Variants in TTC21B observed in about 807,000 individuals in gnomAD.
The protein encoded by TTC21B is tetratricopeptide repeat protein 21B.
In TTC21B, 127 loss-of-function variants were observed where a neutral mutation model predicts 175.1. The observed-to-expected ratio is 0.73, with a 90% confidence interval of 0.63 to 0.84. The LOEUF (loss-of-function observed/expected upper bound fraction) is 0.84. Among genes scored for constraint, TTC21B ranks in the 40% least tolerant of loss-of-function variants. The pLI, the probability that TTC21B is intolerant of heterozygous loss-of-function variation, is 0.00. For synonymous variants in TTC21B, 524 were observed against 524.5 expected, an observed-to-expected ratio of 1.00 and a Z score of 0.01; for missense variants, 1,561 against 1,558.3, an observed-to-expected ratio of 1.00 and a Z score of -0.03.
chr2:165,924,779 A>G (rs1386041612), intron 11 of TTC21B, 101 bp from the exon 12 acceptor site: 4 of 1,334,654 alleles, frequency 3.0e-6, no homozygotes, highest in Non-Finnish European at 4.1e-6. Context: ...AGCTATATAC[A>G]TTTTTCTAAA....
chr2:165,905,081 C>T (rs1160075896), intron 19 of TTC21B, among the ~76,000 whole-genome samples: 1 of 152,078 alleles, frequency 6.6e-6, no homozygotes, highest in African/African-American at 2.4e-5. Flanking sequence ...AAATATATCA[C>T]ATTGTGTTCC....
intron 3 of TTC21B, among the ~76,000 whole-genome samples, chr2:165,946,830 T>G (rs1016341540): frequency 6.6e-6 from 1 of 152,010 alleles, no homozygotes; most frequent in East Asian, 1.9e-4. Context: ...AGAGGAGGTA[T>G]ATGGTTAAGG....
intron 25 of TTC21B, among the ~76,000 whole-genome samples, chr2:165,886,006 T>G (rs1036973599): frequency 9.8e-5 from 15 of 152,354 alleles, no homozygotes; most frequent in African/African-American, 2.9e-4. Context: ...TTGGGCTTAA[T>G]GTATCTTCCA....
chr2:165,926,580 G>T (rs1686637853), intron 11 of TTC21B, among the ~76,000 whole-genome samples: 1 of 152,072 alleles, frequency 6.6e-6, no homozygotes, highest in African/African-American at 2.4e-5. Context: ...TTCTGTGATG[G>T]TTAATACTGT....
intron 3 of TTC21B, 146 bp from the exon 4 acceptor site, chr2:165,945,836 T>A: frequency 1.5e-6 from 1 of 673,466 alleles, no homozygotes; most frequent in Non-Finnish European, 2.4e-6. Context: ...ATATGTAACT[T>A]AAAATTTTCT....
intron 3 of TTC21B, chr2:165,947,251 T>A (rs1344060355): frequency 7.2e-6 from 1 of 138,000 alleles, no homozygotes; most frequent in Non-Finnish European, 1.5e-5. Flanking sequence ...GGAATCAGAA[T>A]CAGAATCAGC....
rs570323182 is a variant in TTC21B at position 165,896,606 on chromosome 2, C to T, written c.2950+2080G>A. ...TTGATGTAGGCCAGTGAGGGAGGGG[C>T]ATTCTAAGGAAGAAGCAGCACCAGA... On this transcript the variant is annotated intron_variant, in intron 22 of 28. Coordinates refer to ENST00000243344, the MANE Select transcript of TTC21B (RefSeq NM_024753.5). 2.0e-5 allele frequency among the ~76,000 whole-genome samples: 3 copies of T among 152,192 alleles called. No individual in the cohort carries two copies. In the East Asian group the frequency reaches 5.8e-4, roughly 29 times the overall value.
intron 14 of TTC21B, 22 bp downstream of exon 14, chr2:165,917,235 C>T (rs765585704): frequency 1.2e-6 from 2 of 1,605,182 alleles, no homozygotes; most frequent in African/African-American, 2.7e-5. Context: ...CATCCGAGCC[C>T]TTAAATTAAA....
Position 165,919,425 on chromosome 2 carries a change from C to A in TTC21B, c.1525G>T (p.Glu509Ter). ...TGCTGAAGGTTATTGAAAGCTGCTT[C>A]AATATCACCTAATAAGAAAAACAAT... ...AKVKYLSGDI[E>*]AAFNNLQHCL... The change falls in exon 13 of 29, where the codon GAA becomes TAA. Residue 509 changes from glutamate to a stop codon, truncating the protein, a stop_gained. Transcript: ENST00000243344. LOFTEE classifies it high-confidence loss of function. 2.5e-6 allele frequency: 4 copies of A among 1,613,822 alleles called. No homozygotes were observed. Among genetic ancestry groups the A allele is most frequent in the Non-Finnish European group, 3.4e-6 (4 of 1,179,878 alleles).
At chr2:165,878,961 T>C (rs1240554624) in intron 27 of TTC21B, among the ~76,000 whole-genome samples, 1 of 152,026 alleles carries the variant, frequency 6.6e-6, no homozygotes, top group African/African-American at 2.4e-5. Context: ...GGATTACAGG[T>C]GTGAGCCACT....
intron 11 of TTC21B, among the ~76,000 whole-genome samples, chr2:165,927,472 T>C (rs1686723289): frequency 6.7e-6 from 1 of 148,992 alleles, no homozygotes; most frequent in African/African-American, 2.5e-5. Flanking sequence ...TGCTCTATTA[T>C]TTTCTCCTGT....
rs1363958812 is a variant in TTC21B, at chr2:165,919,271, C to T, written c.1674+5G>A. ...GTCTTATCCACTTCAGTCTGGAATA[C>T]TTACCTTAAAATCATAGCTCAGACA... On this transcript the variant is annotated splice_donor_5th_base_variant and intron_variant, in intron 13 of 28. Transcript: ENST00000243344. 1.2e-6 allele frequency: 2 copies of T among 1,613,776 alleles called. No homozygotes were observed. The highest frequency in any genetic ancestry group is 1.7e-6 in the Non-Finnish European group (2 of 1,179,900).
intron 11 of TTC21B, among the ~76,000 whole-genome samples, chr2:165,928,301 C>T (rs1686752200): frequency 1.3e-5 from 2 of 152,050 alleles, no homozygotes; most frequent in East Asian, 3.9e-4. Context: ...ACATTTGAGT[C>T]CAAAAGTACA....
Position 165,933,000 on chromosome 2 carries a change from ATAG to A in TTC21B, c.765_767del (p.Tyr256del). On this transcript the variant is annotated inframe_deletion, in exon 7 of 29. Transcript: ENST00000243344. ...TCTCTATATCCCCCTCTCTACACAC[ATAG>A]TAGAGTGCCTGCATTCTCAGTGCTT... 1 of 1,612,922 alleles carries A rather than the reference ATAG, an allele frequency of 6.2e-7. No individual in the cohort carries two copies. Among genetic ancestry groups the A allele is most frequent in the South Asian group, 1.1e-5 (1 of 90,880 alleles).
At chr2:165,898,141 G>C (rs1025514752) in intron 22 of TTC21B, among the ~76,000 whole-genome samples, 5 of 152,146 alleles carry the variant, frequency 3.3e-5, no homozygotes, top group African/African-American at 1.2e-4. Flanking sequence ...TTTACAGCAG[G>C]AAGATGTCAC....
At chr2:165,944,399 G>C (rs1303373647) in intron 4 of TTC21B, among the ~76,000 whole-genome samples, 2 of 152,106 alleles carry the variant, frequency 1.3e-5, no homozygotes, top group Non-Finnish European at 2.9e-5. Context: ...GTGACAACTT[G>C]TTATCTTTCT....
At chr2:165,878,158 A>C (rs1305290176) in intron 27 of TTC21B, among the ~76,000 whole-genome samples, 1 of 152,198 alleles carries the variant, frequency 6.6e-6, no homozygotes, top group Non-Finnish European at 1.5e-5. Flanking sequence ...AATACCACAA[A>C]ATATTAGCAT....
chr2:165,910,832 T>A (rs760431527), intron 18 of TTC21B, among the ~76,000 whole-genome samples: 4 of 151,712 alleles, frequency 2.6e-5, no homozygotes, highest in Admixed American at 2.6e-4. Context: ...AAAGGAAGAG[T>A]AACAGTTTCG....
At chr2:165,924,351 A>T (rs549800387) in intron 12 of TTC21B, among the ~76,000 whole-genome samples, 198 bp downstream of exon 12, 31 of 152,312 alleles carry the variant, frequency 2.0e-4, no homozygotes, top group African/African-American at 6.3e-4. Flanking sequence ...CTTAAGCCAC[A>T]CAAGTTTATA....
Sources: allele counts gnomAD v4.1 joint callset (sites outside exome capture counted in the v4.1 genomes callset), GRCh38; gene constraint gnomAD v4.1.1; transcripts MANE v1.5; gene names NCBI Gene and HGNC (gene_info 2026-07-23, HGNC 2026-07-21).